The following SMG6 variants were observed in gnomAD, a reference collection of about 807,000 sequenced individuals.
SMG6 encodes the protein SMG6 nonsense mediated mRNA decay factor, also known as telomerase-binding protein EST1A.
A neutral mutation model predicts 142.2 loss-of-function variants in SMG6; 66 were observed. The observed-to-expected ratio is 0.46, with a 90% CI of 0.38 to 0.57. The LOEUF (loss-of-function observed/expected upper bound fraction) is 0.57. Ranked by LOEUF, SMG6 falls within the 20% of genes least tolerant of loss-of-function variation. SMG6 has a pLI of 0.00. For synonymous variants in SMG6, 779 were observed against 702.4 expected, an observed-to-expected ratio of 1.11 and a Z score of -1.72; for missense variants, 1,793 against 1,832.0, an observed-to-expected ratio of 0.98 and a Z score of 0.39.
At chr17:2,280,388 G>A (rs981699862) in intron 8 of SMG6, among the ~76,000 whole-genome samples, 7 of 152,028 alleles carry the variant, frequency 4.6e-5, no homozygotes, top group Non-Finnish European at 8.8e-5. Flanking sequence ...TCAGCCTCCC[G>A]AGTAGCTGGG....
intron 13 of SMG6, chr17:2,086,929 T>C: frequency 1.8e-6 from 2 of 1,128,176 alleles, no homozygotes; most frequent in Admixed American, 2.7e-5. Flanking sequence ...GAAACACACG[T>C]CCGTGGCCAG....
intron 10 of SMG6, among the ~76,000 whole-genome samples, chr17:2,234,750 C>G (rs2073601590): frequency 6.6e-6 from 1 of 151,664 alleles, no homozygotes; most frequent in Non-Finnish European, 1.5e-5. Flanking sequence ...CTCTGCTGCC[C>G]AGGCTGCAGT....
At chr17:2,131,381 C>T (rs947548949) in intron 13 of SMG6, among the ~76,000 whole-genome samples, 5 of 152,052 alleles carry the variant, frequency 3.3e-5, no homozygotes, top group East Asian at 3.9e-4. Flanking sequence ...CTGCAACCTC[C>T]GCCTCCCGGG....
chr17:2,303,444 G>C, intron 1 of SMG6, 189 bp downstream of exon 1: 1 of 1,303,888 alleles, frequency 7.7e-7, no homozygotes, highest in South Asian at 2.2e-5. Context: ...GCCAGGACTG[G>C]CCGAGCCCGA....
At chr17:2,116,330 C>T (rs768821655) in intron 13 of SMG6, among the ~76,000 whole-genome samples, 1 of 152,126 alleles carries the variant, frequency 6.6e-6, no homozygotes, top group Non-Finnish European at 1.5e-5. Context: ...CCTCCCGCCT[C>T]GGCCTTCCAA....
At chr17:2,277,525 G>A (rs2074689326) in intron 8 of SMG6, among the ~76,000 whole-genome samples, 1 of 152,070 alleles carries the variant, frequency 6.6e-6, no homozygotes, top group African/African-American at 2.4e-5. Flanking sequence ...TTTAAATCAG[G>A]CTCCTATCTT....
chr17:2,132,187 A>C (rs2070144520), intron 13 of SMG6, among the ~76,000 whole-genome samples: 1 of 152,154 alleles, frequency 6.6e-6, no homozygotes, highest in African/African-American at 2.4e-5. Flanking sequence ...TATTTTGCTT[A>C]TTTATTTCTT....
intron 13 of SMG6, among the ~76,000 whole-genome samples, chr17:2,150,879 G>A (rs1208094926): frequency 1.3e-5 from 2 of 151,368 alleles, no homozygotes; most frequent in African/African-American, 4.9e-5. Context: ...ACTTGAGTGT[G>A]AAGGATTAAA....
intron 13 of SMG6, among the ~76,000 whole-genome samples, chr17:2,132,161 C>T (rs1336181133): frequency 6.6e-6 from 1 of 152,156 alleles, no homozygotes; most frequent in East Asian, 1.9e-4. Context: ...GCATGAGCCA[C>T]CACGCCCAGT....
At chr17:2,080,717 C>T (rs1037818595) in intron 15 of SMG6, among the ~76,000 whole-genome samples, 1 of 151,676 alleles carries the variant, frequency 6.6e-6, no homozygotes, top group African/African-American at 2.4e-5. Context: ...CTCACTGCAA[C>T]CTCCGCCTCC....
chr17:2,149,977 G>C (rs1208628028), intron 13 of SMG6, among the ~76,000 whole-genome samples: 3 of 152,240 alleles, frequency 2.0e-5, no homozygotes, highest in Non-Finnish European at 4.4e-5. Context: ...AGACAGGTTA[G>C]ATTCTGGCAG....
intron 13 of SMG6, among the ~76,000 whole-genome samples, chr17:2,094,258 C>T (rs2068799576): frequency 6.6e-6 from 1 of 152,034 alleles, no homozygotes; most frequent in African/African-American, 2.4e-5. Context: ...AACTTTCTTT[C>T]TTTTTTTCTG....
Position 2,303,727 on chromosome 17 carries a change from G to A in SMG6, c.-7C>T, listed in dbSNP as rs750718415. The A allele has an allele frequency of 2.6e-5, 39 of 1,491,420 alleles. No homozygotes were observed. Among genetic ancestry groups the A allele is most frequent in the Non-Finnish European group, 3.4e-5 (38 of 1,127,086 alleles). 92.4% of individuals were successfully genotyped at this position (1,491,420 alleles called of 1,614,324 possible). A position where few individuals can be genotyped will look rare whatever the true frequency, so the allele number is the denominator to read the frequency against. On this transcript the variant is annotated 5_prime_UTR_variant, in exon 1 of 19. Transcript: ENST00000263073. Reference sequence around the variant, plus strand: ...GCTCCAGCCCTTCCGCCATCTTCGCGGCTGCTGCTACAGCCGTAGCGGCTC... The same window carrying A: ...GCTCCAGCCCTTCCGCCATCTTCGCAGCTGCTGCTACAGCCGTAGCGGCTC...
intron 13 of SMG6, chr17:2,087,724 G>A (rs2068603660): frequency 1.0e-6 from 1 of 986,956 alleles, no homozygotes; most frequent in African/African-American, 1.7e-5. Context: ...CAGAAGCAGG[G>A]GCTAAAAGGC....
intron 15 of SMG6, among the ~76,000 whole-genome samples, chr17:2,073,537 C>T (rs779081752): frequency 3.4e-4 from 52 of 151,302 alleles, no homozygotes; most frequent in Middle Eastern, 3.4e-3. Flanking sequence ...CGCGGAACCC[C>T]GTCTCTACTA....
chr17:2,275,773 C>T (rs1254967257), intron 8 of SMG6, among the ~76,000 whole-genome samples: 1 of 152,164 alleles, frequency 6.6e-6, no homozygotes, highest in Non-Finnish European at 1.5e-5. Context: ...AGGGTCCTGG[C>T]TGGCAGGTGG....
chr17:2,123,752 T>C (rs2069778103), intron 13 of SMG6, among the ~76,000 whole-genome samples: 1 of 152,180 alleles, frequency 6.6e-6, no homozygotes, highest in Non-Finnish European at 1.5e-5. Context: ...GGTGTGGATC[T>C]TGGATGGAGT....
In SMG6 at chr17:2,126,462, A is replaced by G. The variant is rs568480740; in HGVS notation, c.3358-40561T>C. Among the ~76,000 whole-genome samples the G allele has an allele frequency of 6.6e-5, 10 of 152,324 alleles. No homozygotes were observed. In the South Asian group the frequency reaches 1.9e-3, roughly 28 times the overall value. On this transcript the variant is annotated intron_variant, in intron 13 of 18. Coordinates refer to ENST00000263073, the MANE Select transcript of SMG6 (RefSeq NM_017575.5). ...ATAAGCAGACCAGACACAGTGCCTCATATTTGTAATCCCAGCACTTTGGGA... is the reference window on the plus strand; with the variant it reads ...ATAAGCAGACCAGACACAGTGCCTCGTATTTGTAATCCCAGCACTTTGGGA...
chr17:2,286,923 A>ATTT (rs59503723), intron 6 of SMG6, among the ~76,000 whole-genome samples: 16 of 111,462 alleles, frequency 1.4e-4, no homozygotes, highest in Non-Finnish European at 2.7e-4. Flanking sequence ...ACATAAAATA[A>ATTT]TTTTTTTTTT....
Sources: gnomAD v4.1 joint callset for allele counts (sites outside exome capture counted in the v4.1 genomes callset) on GRCh38, gnomAD v4.1.1 for gene constraint, MANE v1.5 for transcripts, NCBI Gene and HGNC (gene_info 2026-07-23, HGNC 2026-07-21) for gene names.